BICRAL: variants seen among roughly 807,000 people sequenced by gnomAD.
BICRAL encodes BRD4-interacting chromatin-remodeling complex-associated protein-like.
A neutral mutation model predicts 91.8 loss-of-function variants in BICRAL; 8 were observed. The ratio of observed to expected loss-of-function variants is 0.09; its 90% CI spans 0.05 to 0.16. The LOEUF (loss-of-function observed/expected upper bound fraction) is 0.16, where lower values mean the gene tolerates loss of function less well. BICRAL is among the 10% of genes least tolerant of loss of function. The pLI is 1.00. For missense variants in BICRAL, 1,038 were observed against 1,310.9 expected (o/e 0.79, Z 3.21); for synonymous variants, 445 against 491.1 (o/e 0.91, Z 1.24).
At chr6:42,766,913 G>T (rs530494673) in intron 1 of BICRAL, among the ~76,000 whole-genome samples, 1 of 152,114 alleles carries the variant, frequency 6.6e-6, no homozygotes, top group Non-Finnish European at 1.5e-5. Context: ...GGTGGCAGGC[G>T]TCTGTAGTCC....
intron 12 of BICRAL, among the ~76,000 whole-genome samples, chr6:42,863,406 T>G (rs2114049486): frequency 6.6e-6 from 1 of 152,262 alleles, no homozygotes; most frequent in East Asian, 1.9e-4. Flanking sequence ...CAGTGCTCAC[T>G]CACAGACGCA....
chr6:42,747,010 C>A (rs2152016675), exon 1 of BICRAL: 1 of 152,628 alleles, frequency 6.6e-6, no homozygotes, highest in South Asian at 2.1e-4. Context: ...CTGGGCGTCG[C>A]CGGCCGCGCT....
At position 42,822,788 on chromosome 6, in the gene BICRAL, T is replaced by C; in HGVS notation, c.42-8T>C. The C allele has an allele frequency of 6.6e-7, 1 of 1,520,182 alleles. No homozygotes were observed. The highest frequency in any genetic ancestry group is 9.1e-7 in the Non-Finnish European group (1 of 1,097,412). The allele number at this position is 1,520,182 out of a possible 1,614,324, so 94.2% of individuals were successfully genotyped here. A position where few individuals can be genotyped will look rare whatever the true frequency, so the allele number is the denominator to read the frequency against. On this transcript the variant is annotated splice_region_variant and splice_polypyrimidine_tract_variant and intron_variant, in intron 3 of 12. Transcript: ENST00000314073. ...TTGTTTTATCTCTTTTTTTCCTCTC[T>C]TTTCTAGAGACCCACAAGCATTGAA...
At chr6:42,850,221 TA>T (rs1400506599) in intron 6 of BICRAL, among the ~76,000 whole-genome samples, 3 of 151,944 alleles carry the variant, frequency 2.0e-5, no homozygotes, top group Non-Finnish European at 4.4e-5. Flanking sequence ...ATAGTATAAA[TA>T]ATATAAAACC....
In BICRAL at chr6:42,807,826, C is replaced by T. The variant is rs58758716; in HGVS notation, c.-101-2480C>T. ...TCTGAAAAAAAAAAAAAATAGTGCA[C>T]GCCTGTACAACTGAAAAAATTTAAC... On this transcript the variant is annotated intron_variant, in intron 1 of 12. Transcript: ENST00000314073. Among the ~76,000 whole-genome samples the T allele has an allele frequency of 8.3e-3, 1,246 of 150,948 alleles. 12 individuals are homozygous for T. Among genetic ancestry groups the T allele is most frequent in the African/African-American group, 0.022 (922 of 41,154 alleles).
At chr6:42,807,445 AG>A (rs759122463) in intron 1 of BICRAL, among the ~76,000 whole-genome samples, 8 of 151,884 alleles carry the variant, frequency 5.3e-5, no homozygotes, top group Non-Finnish European at 8.8e-5. Context: ...AGCCTCCCAA[AG>A]TGTTGGGATT....
chr6:42,838,491 C>T (rs1324143336), intron 6 of BICRAL, among the ~76,000 whole-genome samples: 1 of 152,186 alleles, frequency 6.6e-6, no homozygotes, highest in African/African-American at 2.4e-5. Flanking sequence ...TCAAAGGTGT[C>T]TTGTTCCCTT....
intron 1 of BICRAL, among the ~76,000 whole-genome samples, chr6:42,806,513 A>AT (rs758423036): frequency 0.023 from 3,281 of 140,202 alleles, 65 homozygotes; most frequent in African/African-American, 0.057. Context: ...CACCCAGCTA[A>AT]TTTTTTTTTT....
Position 42,865,710 on chromosome 6 carries a change from T to C in BICRAL, c.*264T>C, listed in dbSNP as rs970641650. On this transcript the variant is annotated 3_prime_UTR_variant, in exon 13 of 13. Coordinates refer to ENST00000314073, the MANE Select transcript of BICRAL (RefSeq NM_001393499.1). ...TAGGCCCCACTCATTTCAAGTGTTA[T>C]GAAAGTGCTTATAGGCATTTTGTTT... 4.7e-6 allele frequency: 2 copies of C among 423,576 alleles called. No individual in the cohort carries two copies. Among genetic ancestry groups the C allele is most frequent in the African/African-American group, 4.0e-5 (2 of 50,022 alleles). The allele number at this position is 423,576 out of a possible 1,614,324, so 26.2% of individuals were successfully genotyped here. A position where few individuals can be genotyped will look rare whatever the true frequency, so the allele number is the denominator to read the frequency against.
At chr6:42,863,239 G>A (rs928647390) in intron 12 of BICRAL, among the ~76,000 whole-genome samples, 1 of 151,856 alleles carries the variant, frequency 6.6e-6, no homozygotes, top group East Asian at 1.9e-4. Flanking sequence ...TAGTAGAGAC[G>A]GGGTTTCACC....
chr6:42,761,569 A>C (rs1158802590), intron 1 of BICRAL, among the ~76,000 whole-genome samples: 1 of 152,200 alleles, frequency 6.6e-6, no homozygotes, highest in Non-Finnish European at 1.5e-5. Flanking sequence ...AGAAATATAT[A>C]CTTCTTTCAT....
chr6:42,783,690 G>C (rs1031952861), intron 1 of BICRAL, among the ~76,000 whole-genome samples: 1 of 152,234 alleles, frequency 6.6e-6, no homozygotes, highest in African/African-American at 2.4e-5. Context: ...CGCCGGCTCG[G>C]AGCGGGAAGG....
intron 1 of BICRAL, among the ~76,000 whole-genome samples, chr6:42,756,357 A>G (rs1762458956): frequency 6.6e-6 from 1 of 152,152 alleles, no homozygotes; most frequent in South Asian, 2.1e-4. Context: ...CATCCCTGAT[A>G]AACTTCTCTG....
chr6:42,791,836 A>G (rs1763282374), intron 1 of BICRAL, among the ~76,000 whole-genome samples: 1 of 152,186 alleles, frequency 6.6e-6, no homozygotes, highest in Non-Finnish European at 1.5e-5. Flanking sequence ...ATGCATCGTT[A>G]GGTGATTTCA....
chr6:42,788,257 T>C lies in BICRAL; in HGVS notation c.-102+6156T>C, dbSNP rs528014279. On this transcript the variant is annotated intron_variant, in intron 1 of 12. Transcript: ENST00000314073. ...TTTTTTTTTTTGGAGACAGTTTTGC[T>C]CTTGTTGCCCAGGCTGGAGTGCAGT... Among the ~76,000 whole-genome samples the C allele has an allele frequency of 1.3e-4, 18 of 140,570 alleles. No homozygotes were observed. In the South Asian group the frequency reaches 4.0e-3, roughly 32 times the overall value. 92.2% of individuals were successfully genotyped at this position (140,570 alleles called of 152,430 possible).
chr6:42,822,755 T>G, intron 3 of BICRAL, 41 bp from the exon 4 acceptor site: 1 of 1,137,686 alleles, frequency 8.8e-7, no homozygotes, highest in Non-Finnish European at 1.3e-6. Flanking sequence ...AGATAGTATA[T>G]TTGTTTGTTG....
At position 42,829,858 on chromosome 6, in the gene BICRAL, T is replaced by C; in HGVS notation, c.1525T>C (p.Leu509=). ...CTTGCAGCAGGCATCCCCAACTGTA[T>C]TACACCTGTCACCTGGGCAGAGCAG... ...MPLQQASPTV[L]HLSPGQSSVS... is the part of the protein sequence containing the mutation. Residue 509 remains leucine, a synonymous_variant, in exon 6 of 13, where the codon TTA becomes CTA. Transcript: ENST00000314073. 6.2e-7 allele frequency: 1 copy of C among 1,614,198 alleles called. No individual in the cohort carries two copies. Among genetic ancestry groups the C allele is most frequent in the Non-Finnish European group, 8.5e-7 (1 of 1,180,038 alleles).
intron 1 of BICRAL, among the ~76,000 whole-genome samples, chr6:42,786,142 TA>T (rs1441105939): frequency 1.3e-5 from 2 of 152,238 alleles, no homozygotes; most frequent in African/African-American, 4.8e-5. Context: ...TTCTCTGGAT[TA>T]AGGATCATGG....
chr6:42,825,116 C>T (rs1217728333), intron 5 of BICRAL, among the ~76,000 whole-genome samples: 5 of 151,850 alleles, frequency 3.3e-5, no homozygotes, highest in East Asian at 1.9e-4. Context: ...AAAAATTAGC[C>T]GGGCGTAGTG....
Sources: allele counts gnomAD v4.1 joint callset (sites outside exome capture counted in the v4.1 genomes callset), GRCh38; gene constraint gnomAD v4.1.1; transcripts MANE v1.5; gene names NCBI Gene and HGNC (gene_info 2026-07-23, HGNC 2026-07-21).